The following BAZ2B variants were observed in gnomAD, a reference collection of about 807,000 sequenced individuals.
BAZ2B encodes bromodomain adjacent to zinc finger domain protein 2B.
A neutral mutation model predicts 246.0 loss-of-function variants in BAZ2B; 91 were observed. That is an observed-to-expected ratio of 0.37 (90% CI 0.31 to 0.44). The LOEUF is 0.44. Among genes scored for constraint, BAZ2B ranks in the 20% least tolerant of loss-of-function variants. The probability of loss-of-function intolerance (pLI) is 1.00; values close to 1 mark genes in which losing one functional copy is unlikely to be tolerated. For synonymous variants in BAZ2B, 855 were observed against 860.0 expected (o/e 0.99, Z 0.10); for missense variants, 2,332 against 2,533.7 (o/e 0.92, Z 1.71).
intron 1 of BAZ2B, among the ~76,000 whole-genome samples, chr2:159,581,257 C>G (rs1686703977): frequency 6.6e-6 from 1 of 152,054 alleles, no homozygotes; most frequent in South Asian, 2.1e-4. Context: ...AAAAAGTGGA[C>G]AAAGGATACG....
At chr2:159,373,543 T>C (rs868724685) in intron 26 of BAZ2B, among the ~76,000 whole-genome samples, 16 of 152,118 alleles carry the variant, frequency 1.1e-4, no homozygotes, top group Non-Finnish European at 4.4e-5. Flanking sequence ...ATAATACATA[T>C]AATATGGCCA....
intron 3 of BAZ2B, among the ~76,000 whole-genome samples, chr2:159,455,504 G>T (rs1008986704): frequency 6.6e-6 from 1 of 152,008 alleles, no homozygotes; most frequent in Non-Finnish European, 1.5e-5. Context: ...GATCTCACAG[G>T]GAAGATCCTC....
chr2:159,455,763 GTTTTT>G (rs60866580), intron 3 of BAZ2B, among the ~76,000 whole-genome samples: 4 of 64,628 alleles, frequency 6.2e-5, no homozygotes, highest in South Asian at 7.9e-4. Context: ...AAATATTGTG[GTTTTT>G]TTTTTTTTTT....
At chr2:159,323,750 G>A (rs2063050308) in intron 36 of BAZ2B, among the ~76,000 whole-genome samples, 1 of 150,810 alleles carries the variant, frequency 6.6e-6, no homozygotes, top group Admixed American at 6.6e-5. Context: ...ATTGCAGTGA[G>A]CCGAGATGCA....
intron 2 of BAZ2B, among the ~76,000 whole-genome samples, chr2:159,496,056 A>G (rs2081085904): frequency 6.8e-6 from 1 of 147,398 alleles, no homozygotes; most frequent in African/African-American, 2.5e-5. Context: ...GGCATGAGCC[A>G]CCGCGCCCAG....
intron 23 of BAZ2B, 136 bp downstream of exon 23, chr2:159,385,019 T>G: frequency 1.0e-5 from 9 of 900,188 alleles, no homozygotes; most frequent in Non-Finnish European, 1.5e-5. Flanking sequence ...CTCTAAATAC[T>G]GAGATAAGTA....
At chr2:159,385,945 G>A (rs559180223) in intron 22 of BAZ2B, among the ~76,000 whole-genome samples, 1 of 152,280 alleles carries the variant, frequency 6.6e-6, no homozygotes, top group East Asian at 1.9e-4. Flanking sequence ...GAGCAGCACA[G>A]GGTCTTAACG....
chr2:159,551,353 C>T (rs963780550), intron 2 of BAZ2B, among the ~76,000 whole-genome samples: 2 of 151,420 alleles, frequency 1.3e-5, no homozygotes, highest in African/African-American at 4.9e-5. Flanking sequence ...CCTGTAGTCC[C>T]ACCTACTCAG....
chr2:159,415,747 T>A (rs964942103), intron 13 of BAZ2B, among the ~76,000 whole-genome samples: 3 of 152,202 alleles, frequency 2.0e-5, no homozygotes, highest in Non-Finnish European at 4.4e-5. Context: ...TTTTACGTTA[T>A]AACATGATTT....
intron 2 of BAZ2B, among the ~76,000 whole-genome samples, chr2:159,524,688 TGTAG>T (rs1277426972): frequency 1.3e-5 from 2 of 152,238 alleles, no homozygotes; most frequent in Non-Finnish European, 2.9e-5. Context: ...AAGTTTATTC[TGTAG>T]TATTTTAAAC....
intron 3 of BAZ2B, among the ~76,000 whole-genome samples, chr2:159,457,568 A>C (rs2075929722): frequency 6.6e-6 from 1 of 152,130 alleles, no homozygotes; most frequent in Non-Finnish European, 1.5e-5. Flanking sequence ...CCCTGGTCCT[A>C]ATTTGTTAAC....
Position 159,319,964 on chromosome 2 carries a change from A to C in BAZ2B, c.*301T>G, listed in dbSNP as rs1255097052. 1.1e-5 allele frequency: 2 copies of C among 190,194 alleles called. No individual in the cohort carries two copies. Among genetic ancestry groups the C allele is most frequent in the Non-Finnish European group, 2.1e-5 (2 of 93,574 alleles). The allele number at this position is 190,194 out of a possible 1,614,324, so 11.8% of individuals were successfully genotyped here. On this transcript the variant is annotated 3_prime_UTR_variant, in exon 37 of 37. Coordinates refer to ENST00000392783, the MANE Select transcript of BAZ2B (RefSeq NM_013450.4). This position sits in a 1 kb window ranked among gnomAD's most constrained non-coding sequence, Gnocchi z 4.0. ...GCTCTGGTGTTGAGTATTCAGTGCG[A>C]TTTGATATATTTTAATTGCTATTGC...
At chr2:159,341,511 T>C (rs1575779203) in intron 31 of BAZ2B, among the ~76,000 whole-genome samples, 1 of 152,264 alleles carries the variant, frequency 6.6e-6, no homozygotes, top group East Asian at 1.9e-4. Context: ...TCAAATTTAA[T>C]CTGCACCATA....
rs753633857 is a variant in BAZ2B at position 159,448,321 on chromosome 2, A to G, written c.423T>C (p.Ala141=). 1 of 1,613,042 alleles carries G rather than the reference A, an allele frequency of 6.2e-7. No individual in the cohort carries two copies. The highest frequency in any genetic ancestry group is 1.7e-5 in the Admixed American group (1 of 59,714). ...PPLLGIPPLF[A]PPAQNHDSSS... ...AAGAATCATGATTCTGGGCTGGGGG[A>G]GCAAATAGTGGTGGAATTCCCAGTA... The change falls in exon 5 of 37, where the codon GCT becomes GCC. Residue 141 remains alanine, a synonymous_variant. Coordinates refer to ENST00000392783, the MANE Select transcript of BAZ2B (RefSeq NM_013450.4).
intron 2 of BAZ2B, among the ~76,000 whole-genome samples, chr2:159,502,042 C>T (rs752477099): frequency 1.2e-4 from 18 of 151,868 alleles, no homozygotes; most frequent in Non-Finnish European, 2.1e-4. Context: ...TTGAAAACAC[C>T]GAGCTAAGTA....
chr2:159,627,474 T>C, the BAZ2B span, among the ~76,000 whole-genome samples: 182 of 151,992 alleles, frequency 1.2e-3, 1 homozygote, highest in South Asian at 1.7e-3. Context: ...TCCACCACGA[T>C]CAAGTCAGAT....
At chr2:159,520,442 T>C (rs2151256236) in intron 2 of BAZ2B, among the ~76,000 whole-genome samples, 1 of 152,338 alleles carries the variant, frequency 6.6e-6, no homozygotes, top group Non-Finnish European at 1.5e-5. Context: ...AATTTAGCTA[T>C]ATATTACTAT....
intron 1 of BAZ2B, among the ~76,000 whole-genome samples, chr2:159,563,702 CAG>C (rs1175173483): frequency 1.3e-5 from 2 of 151,916 alleles, no homozygotes; most frequent in African/African-American, 4.8e-5. Flanking sequence ...TTAATGGGTA[CAG>C]AGTTTCGGAT....
chr2:159,625,818 C>T, the BAZ2B span, among the ~76,000 whole-genome samples: 1 of 152,098 alleles, frequency 6.6e-6, no homozygotes, highest in Non-Finnish European at 1.5e-5. Flanking sequence ...ATCAAATTCA[C>T]ACATAATACT....
Sources: allele counts gnomAD v4.1 joint callset (sites outside exome capture counted in the v4.1 genomes callset), GRCh38; gene constraint gnomAD v4.1.1; non-coding constraint Gnocchi (gnomAD v3.1); transcripts MANE v1.5; gene names NCBI Gene and HGNC (gene_info 2026-07-23, HGNC 2026-07-21).